GPR174: variants seen among roughly 807,000 people sequenced by gnomAD.
The protein encoded by GPR174 is probable G protein-coupled receptor 174.
Under a neutral mutation model 16.5 loss-of-function variants are expected in GPR174, and 8 were observed. The ratio of observed to expected loss-of-function variants is 0.48; its 90% CI spans 0.28 to 0.87. The LOEUF is 0.87. Among genes scored for constraint, GPR174 ranks in the 40% least tolerant of loss-of-function variants. The pLI, the probability that GPR174 is intolerant of heterozygous loss-of-function variation, is 0.09. For missense variants in GPR174, 214 were observed against 247.5 expected (o/e 0.86, Z 0.91); for synonymous variants, 111 against 94.8 (o/e 1.17, Z -0.99).
chrX:79,162,646 T>A (rs1193860099), intron 2 of GPR174, among the ~76,000 whole-genome samples: 6 of 112,135 alleles, frequency 5.4e-5, no homozygotes, highest in Non-Finnish European at 1.1e-4. Context: ...GTGTTTCTTA[T>A]AGATTTACTA....
intron 1 of GPR174, among the ~76,000 whole-genome samples, chrX:79,145,544 T>C (rs964287128): frequency 5.4e-5 from 6 of 111,932 alleles, no homozygotes; most frequent in Non-Finnish European, 9.4e-5. Flanking sequence ...ACCTGTTTTG[T>C]ATTAAGTAGA....
intron 2 of GPR174, among the ~76,000 whole-genome samples, chrX:79,157,840 T>C (rs760322139): frequency 1.3e-3 from 138 of 110,184 alleles, no homozygotes; most frequent in African/African-American, 4.4e-3. Flanking sequence ...TAAAGGAACA[T>C]GTCTAGTGCT....
intron 1 of GPR174, among the ~76,000 whole-genome samples, chrX:79,147,007 C>A (rs755306213): frequency 5.4e-5 from 6 of 111,841 alleles, no homozygotes; most frequent in Non-Finnish European, 9.4e-5. Context: ...CCAAAACCTT[C>A]TTTTTATGCT....
intron 1 of GPR174, among the ~76,000 whole-genome samples, chrX:79,149,720 T>G (rs1282597337): frequency 1.8e-5 from 2 of 111,207 alleles, no homozygotes; most frequent in African/African-American, 6.5e-5. Flanking sequence ...CAAGTTATCC[T>G]GAGTGAGTGA....
chrX:79,146,863 A>G (rs932810597), intron 1 of GPR174, among the ~76,000 whole-genome samples: 1 of 111,346 alleles, frequency 9.0e-6, no homozygotes, highest in Non-Finnish European at 1.9e-5. Flanking sequence ...TTCCGCTCAT[A>G]GATACTTTAG....
At chrX:79,151,708 G>T (rs1926604789) in intron 1 of GPR174, among the ~76,000 whole-genome samples, 1 of 111,492 alleles carries the variant, frequency 9.0e-6, no homozygotes. Flanking sequence ...GGAATAAAAT[G>T]AATAAAATTG....
chrX:79,148,526 ACT>A (rs750174243), intron 1 of GPR174, among the ~76,000 whole-genome samples: 8 of 110,856 alleles, frequency 7.2e-5, no homozygotes, highest in African/African-American at 2.0e-4. Context: ...TAAATCAATG[ACT>A]CTTTTTTGAG....
chrX:79,161,974 A>G (rs939855513), intron 2 of GPR174, among the ~76,000 whole-genome samples: 3 of 112,156 alleles, frequency 2.7e-5, no homozygotes, highest in Non-Finnish European at 5.6e-5. Flanking sequence ...TTGTAATCCA[A>G]TGTGGCTGCA....
At chrX:79,170,127 G>T (rs751049740) in intron 2 of GPR174, among the ~76,000 whole-genome samples, 2 of 111,397 alleles carry the variant, frequency 1.8e-5, no homozygotes, top group Non-Finnish European at 3.8e-5. Flanking sequence ...ATGTTAATAC[G>T]CAGAAGAATC....
chrX:79,171,256 C>G lies in GPR174; in HGVS notation c.249C>G (p.Asp83Glu). 1.7e-6 allele frequency: 2 copies of G among 1,211,400 alleles called. No homozygotes were observed. The highest frequency in any genetic ancestry group is 2.2e-6 in the Non-Finnish European group (2 of 895,149). Residue 83 changes from aspartate to glutamate, a missense_variant, in exon 3 of 3, where the codon GAC becomes GAG. By Grantham distance (45) the Asp-to-Glu change is conservative (BLOSUM62 2). Transcript: ENST00000645147. ...GGATCTTCTACTACTTGAATCATGA[C>G]TGGCCATTTGGGCCTGGTCTCTGCA... ...PLRIFYYLNH[D>E]WPFGPGLCMF...
chrX:79,157,078 C>A (rs1050079646), intron 2 of GPR174, among the ~76,000 whole-genome samples, 160 bp downstream of exon 2: 1 of 111,834 alleles, frequency 8.9e-6, no homozygotes, highest in African/African-American at 3.3e-5. Context: ...CTGGTTTTAG[C>A]AATCAAGATA....
chrX:79,171,365 C>T lies in GPR174; in HGVS notation c.358C>T (p.Leu120Phe). The change falls in exon 3 of 3, where the codon CTC (leucine) becomes TTC (phenylalanine). Residue 120 changes from leucine (L) to phenylalanine (F), a missense_variant. Leu to Phe is a conservative substitution (Grantham distance 22). Transcript: ENST00000645147. ...CATCAGTGTGCGACGATTTTGGTTT[C>T]TCATGTACCCCTTTCGCTTCCATGA... ...VCISVRRFWFLMYPFRFHDCK... is the reference protein window; with the variant it reads ...VCISVRRFWFFMYPFRFHDCK... 8.3e-7 allele frequency: 1 copy of T among 1,211,769 alleles called. No homozygotes were observed. Among genetic ancestry groups the T allele is most frequent in the Non-Finnish European group, 1.1e-6 (1 of 895,490 alleles).
At chrX:79,152,001 T>G (rs1485451294) in intron 1 of GPR174, among the ~76,000 whole-genome samples, 1 of 111,885 alleles carries the variant, frequency 8.9e-6, no homozygotes, top group Non-Finnish European at 1.9e-5. Flanking sequence ...TTCTACATAA[T>G]CTAATTTATG....
At chrX:79,157,424 CA>C (rs1458165261) in intron 2 of GPR174, among the ~76,000 whole-genome samples, 2 of 111,820 alleles carry the variant, frequency 1.8e-5, no homozygotes, top group East Asian at 5.6e-4. Context: ...TTTTTAGCTT[CA>C]AAAGGGGATT....
chrX:79,154,482 G>A (rs759717413), intron 1 of GPR174, among the ~76,000 whole-genome samples: 3 of 111,765 alleles, frequency 2.7e-5, no homozygotes, highest in Non-Finnish European at 5.6e-5. Context: ...AACTAGAAAA[G>A]TCTGCTTAGG....
chrX:79,159,438 C>A (rs1395579992), intron 2 of GPR174, among the ~76,000 whole-genome samples: 1 of 112,506 alleles, frequency 8.9e-6, no homozygotes, highest in African/African-American at 3.2e-5. Context: ...ACACAGTTAT[C>A]TTCCACTGCA....
At chrX:79,145,823 G>T (rs1001592507) in intron 1 of GPR174, among the ~76,000 whole-genome samples, 5 of 111,170 alleles carry the variant, frequency 4.5e-5, no homozygotes, top group Non-Finnish European at 9.4e-5. Flanking sequence ...TTTCAAACAC[G>T]TTTAAGAAAA....
chrX:79,166,746 T>TCTTA (rs1480174929), intron 2 of GPR174, among the ~76,000 whole-genome samples: 1 of 111,121 alleles, frequency 9.0e-6, no homozygotes. Context: ...AAAGGGTTCT[T>TCTTA]CTTACTACAC....
At chrX:79,169,995 T>C (rs922670600) in intron 2 of GPR174, among the ~76,000 whole-genome samples, 3 of 112,135 alleles carry the variant, frequency 2.7e-5, no homozygotes, top group African/African-American at 9.7e-5. Context: ...ACCCCATGAA[T>C]ACTCAATCAG....
Sources: gnomAD v4.1 joint callset for allele counts (sites outside exome capture counted in the v4.1 genomes callset) on GRCh38, gnomAD v4.1.1 for gene constraint, MANE v1.5 for transcripts, NCBI Gene and HGNC (gene_info 2026-07-23, HGNC 2026-07-21) for gene names.